The following ACSM3 variants were observed in gnomAD, a reference collection of about 807,000 sequenced individuals.
ACSM3 encodes the protein acyl-coenzyme A synthetase ACSM3, mitochondrial.
ACSM3 carries 61 observed loss-of-function variants against 74.1 expected under a neutral mutation model. The observed-to-expected ratio is 0.82, with a 90% confidence interval of 0.67 to 1.02. The LOEUF is 1.02. Ranked by LOEUF, ACSM3 falls within the 50% of genes least tolerant of loss-of-function variation. The probability of loss-of-function intolerance (pLI) is 0.00; values close to 1 mark genes in which losing one functional copy is unlikely to be tolerated. For missense variants in ACSM3, 660 were observed against 697.0 expected, an observed-to-expected ratio of 0.95 and a Z score of 0.60; for synonymous variants, 213 against 241.5, an observed-to-expected ratio of 0.88 and a Z score of 1.09.
At chr16:20,745,483 T>A (rs904395399) in intron 1 of ACSM3, among the ~76,000 whole-genome samples, 1 of 152,114 alleles carries the variant, frequency 6.6e-6, no homozygotes, top group Admixed American at 6.6e-5. Flanking sequence ...TTTGGGAGGC[T>A]AGACACGAGA....
intron 1 of ACSM3, among the ~76,000 whole-genome samples, chr16:20,742,410 C>G (rs932743756): frequency 6.6e-6 from 1 of 152,154 alleles, no homozygotes; most frequent in African/African-American, 2.4e-5. Context: ...GTAATCCCAG[C>G]ACTTTGGGAG....
At chr16:20,757,166 G>A (rs1052070064) in intron 3 of ACSM3, among the ~76,000 whole-genome samples, 2 of 152,134 alleles carry the variant, frequency 1.3e-5, no homozygotes, top group African/African-American at 2.4e-5. Flanking sequence ...TTCCAATTCT[G>A]TGCAGAAAGT....
At chr16:20,734,604 G>C (rs1158950769) in intron 1 of ACSM3, 1 of 152,094 alleles carries the variant, frequency 6.6e-6, no homozygotes, top group Non-Finnish European at 1.5e-5. Context: ...TAAAACTTAA[G>C]GATAAGTCCA....
At chr16:20,742,813 ATTTT>A (rs372677216) in intron 1 of ACSM3, among the ~76,000 whole-genome samples, 3 of 66,816 alleles carry the variant, frequency 4.5e-5, no homozygotes, top group African/African-American at 1.3e-4. Flanking sequence ...ATATATATAT[ATTTT>A]TTTTTTTTCC....
intron 1 of ACSM3, chr16:20,681,120 G>T (rs2079437172): frequency 6.6e-6 from 1 of 152,232 alleles, no homozygotes; most frequent in African/African-American, 2.4e-5. Context: ...GGGTCATGGG[G>T]TTACCACACC....
chr16:20,765,085 T>C (rs2080111636), intron 1 of ACSM3, among the ~76,000 whole-genome samples: 2 of 152,194 alleles, frequency 1.3e-5, no homozygotes, highest in Non-Finnish European at 1.5e-5. Context: ...CCCCCTTGGC[T>C]GTAGGGACAA....
At chr16:20,691,424 C>T (rs980984176) in intron 1 of ACSM3, among the ~76,000 whole-genome samples, 1 of 152,128 alleles carries the variant, frequency 6.6e-6, no homozygotes, top group African/African-American at 2.4e-5. Flanking sequence ...GCAGAAAACG[C>T]TGGGGAGGTT....
At chr16:20,695,593 T>C (rs1336616703) in intron 1 of ACSM3, among the ~76,000 whole-genome samples, 1 of 152,178 alleles carries the variant, frequency 6.6e-6, no homozygotes, top group Non-Finnish European at 1.5e-5. Flanking sequence ...CTATTATCTA[T>C]CTATCATCTA....
intron 3 of ACSM3, among the ~76,000 whole-genome samples, chr16:20,776,661 A>C (rs977219194): frequency 3.9e-5 from 6 of 152,230 alleles, no homozygotes; most frequent in Non-Finnish European, 5.9e-5. Context: ...CCTATAAAAG[A>C]AGTAGTATTA....
chr16:20,789,687 T>TC, intron 9 of ACSM3: 1 of 427,212 alleles, frequency 2.3e-6, no homozygotes, highest in East Asian at 4.2e-5. Context: ...TATTTTTCTT[T>TC]TTTTTTTTTT....
At chr16:20,729,466 G>A (rs2079818833) in intron 1 of ACSM3, 1 of 686,448 alleles carries the variant, frequency 1.5e-6, no homozygotes, top group Non-Finnish European at 2.7e-6. Context: ...ACCGTATTGG[G>A]CCATTTGAAG....
intron 9 of ACSM3, among the ~76,000 whole-genome samples, chr16:20,788,591 G>A (rs769007930): frequency 1.3e-5 from 2 of 152,156 alleles, no homozygotes; most frequent in Non-Finnish European, 1.5e-5. Flanking sequence ...CTGGGGATGT[G>A]TTCCAACCAG....
chr16:20,715,836 T>C (rs1406906922), intron 1 of ACSM3, among the ~76,000 whole-genome samples: 2 of 152,144 alleles, frequency 1.3e-5, no homozygotes. Flanking sequence ...AGTATTTTAT[T>C]TGCTCATGAT....
intron 2 of ACSM3, among the ~76,000 whole-genome samples, chr16:20,773,143 T>C (rs1037976841): frequency 4.6e-5 from 7 of 152,166 alleles, no homozygotes; most frequent in African/African-American, 1.7e-4. Context: ...TCCTCTATGT[T>C]TTCCAATTTG....
intron 1 of ACSM3, among the ~76,000 whole-genome samples, chr16:20,724,787 CAA>C (rs2079798834): frequency 1.3e-5 from 2 of 152,154 alleles, no homozygotes; most frequent in South Asian, 4.1e-4. Context: ...ACAATTGCTT[CAA>C]AGAGAATAAA....
chr16:20,731,740 G>C (rs2079831756), intron 1 of ACSM3: 1 of 354,000 alleles, frequency 2.8e-6, no homozygotes, highest in Non-Finnish European at 5.1e-6. Flanking sequence ...ATCCAAGAAA[G>C]TAAGTATTTT....
intron 1 of ACSM3, among the ~76,000 whole-genome samples, chr16:20,740,980 G>A (rs2079913804): frequency 6.6e-6 from 1 of 152,202 alleles, no homozygotes; most frequent in Non-Finnish European, 1.5e-5. Flanking sequence ...TAAGTGGGAG[G>A]TAGGCCGGGC....
chr16:20,772,191 C>T (rs1241439130), intron 2 of ACSM3, among the ~76,000 whole-genome samples: 3 of 152,074 alleles, frequency 2.0e-5, no homozygotes, highest in African/African-American at 4.8e-5. Context: ...TCCCATTCTA[C>T]ATCTTGTCTC....
chr16:20,685,131 C>T (rs1291417947), intron 1 of ACSM3: 4 of 1,572,784 alleles, frequency 2.5e-6, no homozygotes, highest in Non-Finnish European at 3.5e-6. Flanking sequence ...CACCTAATAT[C>T]TCAGGACCCA....
Sources: gnomAD v4.1 joint callset for allele counts (sites outside exome capture counted in the v4.1 genomes callset) on GRCh38, gnomAD v4.1.1 for gene constraint, MANE v1.5 for transcripts, NCBI Gene and HGNC (gene_info 2026-07-23, HGNC 2026-07-21) for gene names.